Variants in LDLRAD3 observed in about 807,000 individuals in gnomAD.
LDLRAD3 encodes the protein low density lipoprotein receptor class A domain containing 3, also known as low-density lipoprotein receptor class A domain-containing protein 3.
LDLRAD3 carries 20 observed loss-of-function variants against 29.4 expected under a neutral mutation model. That is an observed-to-expected ratio of 0.68 (90% CI 0.48 to 0.99). The LOEUF is 0.99. LDLRAD3 is among the 50% of genes least tolerant of loss of function. The probability of loss-of-function intolerance (pLI) is 0.00; values close to 1 mark genes in which losing one functional copy is unlikely to be tolerated. For synonymous variants in LDLRAD3, 157 were observed against 192.7 expected, an observed-to-expected ratio of 0.81 and a Z score of 1.53; for missense variants, 420 against 454.3, an observed-to-expected ratio of 0.92 and a Z score of 0.69.
At chr11:36,098,222 C>G in intron 3 of LDLRAD3, 105 bp from the exon 4 acceptor site, 1 of 1,375,084 alleles carries the variant, frequency 7.3e-7, no homozygotes, top group East Asian at 2.3e-5. Context: ...AGAAGATAAG[C>G]TTACTGCTTC....
At chr11:36,187,484 A>G (rs1854868838) in intron 4 of LDLRAD3, among the ~76,000 whole-genome samples, 1 of 152,118 alleles carries the variant, frequency 6.6e-6, no homozygotes, top group Admixed American at 6.6e-5. Flanking sequence ...GAGCACTGCC[A>G]CCCCATTCTT....
chr11:36,144,882 G>A (rs1240370019), intron 4 of LDLRAD3, among the ~76,000 whole-genome samples: 17 of 94,882 alleles, frequency 1.8e-4, no homozygotes, highest in African/African-American at 4.9e-4. Flanking sequence ...CCGGCCAGCC[G>A]CCCCGTCCGG....
In LDLRAD3 at chr11:36,026,425, A is replaced by G. The variant is rs572963425; in HGVS notation, c.47-9678A>G. ...GTTTGTCCCTAGGCCTAGGGTATCT[A>G]TTAGGATTGGCTGGGTCAAAGTGTC... On this transcript the variant is annotated intron_variant, in intron 1 of 5. Coordinates refer to ENST00000315571, the MANE Select transcript of LDLRAD3 (RefSeq NM_174902.4). 5.9e-5 allele frequency among the ~76,000 whole-genome samples: 9 copies of G among 151,506 alleles called. No individual in the cohort carries two copies. In the East Asian group the frequency reaches 7.7e-4, roughly 13 times the overall value.
chr11:35,979,267 G>A (rs1350306301), intron 1 of LDLRAD3, among the ~76,000 whole-genome samples: 1 of 152,150 alleles, frequency 6.6e-6, no homozygotes, highest in African/African-American at 2.4e-5. Context: ...CTGCATTAGA[G>A]TTTGGTCACA....
chr11:36,081,437 T>G (rs1243508083), intron 2 of LDLRAD3, among the ~76,000 whole-genome samples: 2 of 152,240 alleles, frequency 1.3e-5, no homozygotes. Flanking sequence ...GTTATCCTCT[T>G]GGGTACTTTT....
intron 4 of LDLRAD3, among the ~76,000 whole-genome samples, chr11:36,165,078 C>T (rs919927420): frequency 2.6e-5 from 4 of 152,208 alleles, no homozygotes; most frequent in Non-Finnish European, 4.4e-5. Flanking sequence ...GTATTTCCTC[C>T]CATATCCTTT....
chr11:36,096,564 G>C (rs1414100668), intron 3 of LDLRAD3, among the ~76,000 whole-genome samples: 1 of 152,246 alleles, frequency 6.6e-6, no homozygotes, highest in African/African-American at 2.4e-5. Context: ...ATAATGAGGG[G>C]AATGAGTGTA....
chr11:36,031,557 A>G (rs998668788), intron 1 of LDLRAD3, among the ~76,000 whole-genome samples: 9 of 152,204 alleles, frequency 5.9e-5, no homozygotes, highest in Admixed American at 1.3e-4. Flanking sequence ...CTGGAGACCT[A>G]CAGAGTGGTC....
In LDLRAD3 at chr11:35,985,962, G is replaced by A. The variant is rs1851609833; in HGVS notation, c.46+41818G>A. On this transcript the variant is annotated intron_variant, in intron 1 of 5. Transcript: ENST00000315571. ...GTGGAAGGTGCAAAATCTAGGCTGG[G>A]TTGTGCCCAAGGAGAGGGCAGGAGA... 2.6e-5 allele frequency among the ~76,000 whole-genome samples: 4 copies of A among 151,340 alleles called. No individual in the cohort carries two copies. The South Asian group carries it at 6.2e-4, about 24-fold the overall frequency.
rs1851738745 is a variant in LDLRAD3 at position 35,995,189 on chromosome 11, GTA to G, written c.47-40912_47-40911del. Among the ~76,000 whole-genome samples, 5 of 152,302 alleles carry G rather than the reference GTA, an allele frequency of 3.3e-5. No homozygotes were observed. The South Asian group carries it at 1.0e-3, about 32-fold the overall frequency. On this transcript the variant is annotated intron_variant, in intron 1 of 5. Coordinates refer to ENST00000315571, the MANE Select transcript of LDLRAD3 (RefSeq NM_174902.4). Reference sequence around the variant, plus strand: ...CAATGGCAGATATAGCCTTAAAAATGTATTTCCTAAATAAGACTTGAAAGTTG... The same window carrying G: ...CAATGGCAGATATAGCCTTAAAAATGTTTCCTAAATAAGACTTGAAAGTTG...
intron 1 of LDLRAD3, among the ~76,000 whole-genome samples, chr11:36,012,683 A>C (rs1256896954): frequency 6.6e-6 from 1 of 152,222 alleles, no homozygotes; most frequent in African/African-American, 2.4e-5. Context: ...ACGACACGAG[A>C]TTTCATCACA....
intron 4 of LDLRAD3, among the ~76,000 whole-genome samples, chr11:36,144,443 G>A (rs1468554110): frequency 6.8e-6 from 1 of 146,302 alleles, no homozygotes; most frequent in African/African-American, 2.5e-5. Flanking sequence ...TGGAAAGTGA[G>A]GAGTGTCTCT....
intron 4 of LDLRAD3, among the ~76,000 whole-genome samples, chr11:36,172,872 C>T (rs1282512550): frequency 6.6e-6 from 1 of 152,106 alleles, no homozygotes. Context: ...CTCTATTTCT[C>T]TATCATTTGT....
intron 1 of LDLRAD3, among the ~76,000 whole-genome samples, chr11:36,024,736 A>G (rs1012615147): frequency 6.6e-5 from 10 of 152,160 alleles, no homozygotes; most frequent in African/African-American, 1.4e-4. Context: ...AGGGGGCCCT[A>G]CCAAGTCACA....
Position 36,181,230 on chromosome 11 carries a change from TAA to T in LDLRAD3, c.455-45839_455-45838del, listed in dbSNP as rs5791085. On this transcript the variant is annotated intron_variant, in intron 4 of 5. Coordinates refer to ENST00000315571, the MANE Select transcript of LDLRAD3 (RefSeq NM_174902.4). ...TTACAAAAGTAATACCTACACATGG[TAA>T]AAAAAAAAAAAAAAATCTAAGAATT... Among the ~76,000 whole-genome samples the T allele has an allele frequency of 6.6e-3, 972 of 146,546 alleles. 4 individuals carry two copies. The highest frequency in any genetic ancestry group is 0.01 in the African/African-American group (405 of 40,102).
At chr11:36,032,996 T>A (rs1852254708) in intron 1 of LDLRAD3, among the ~76,000 whole-genome samples, 2 of 151,884 alleles carry the variant, frequency 1.3e-5, no homozygotes. Context: ...TGCCTCAGAC[T>A]CCCAAGTAGC....
intron 1 of LDLRAD3, among the ~76,000 whole-genome samples, chr11:35,955,016 G>A (rs115636403): frequency 0.012 from 1,891 of 152,104 alleles, 42 homozygotes; most frequent in African/African-American, 0.041. Flanking sequence ...AGGCCGAGGC[G>A]GGCAGATAAC....
At chr11:36,197,870 G>C (rs1480068653) in intron 4 of LDLRAD3, 1 of 146,818 alleles carries the variant, frequency 6.8e-6, no homozygotes, top group Non-Finnish European at 1.5e-5. Flanking sequence ...AACAGAGCAA[G>C]TCCCCATGTC....
intron 3 of LDLRAD3, among the ~76,000 whole-genome samples, chr11:36,095,150 C>CA (rs1474426656): frequency 1.3e-5 from 2 of 152,190 alleles, no homozygotes; most frequent in Non-Finnish European, 2.9e-5. Context: ...TACACCACTG[C>CA]ACTGCAGTCG....
Sources: gnomAD v4.1 joint callset for allele counts (sites outside exome capture counted in the v4.1 genomes callset) on GRCh38, gnomAD v4.1.1 for gene constraint, MANE v1.5 for transcripts, NCBI Gene and HGNC (gene_info 2026-07-23, HGNC 2026-07-21) for gene names.